CNOT1: variants seen among roughly 807,000 people sequenced by gnomAD.
CNOT1 encodes the protein CCR4-NOT transcription complex subunit 1.
CNOT1 carries 15 observed loss-of-function variants against 273.8 expected under a neutral mutation model. The ratio of observed to expected loss-of-function variants is 0.05; its 90% CI spans 0.04 to 0.08. The LOEUF (loss-of-function observed/expected upper bound fraction) is 0.08, where lower values mean the gene tolerates loss of function less well. CNOT1 is among the 10% of genes least tolerant of loss of function. The probability of loss-of-function intolerance (pLI) is 1.00; values close to 1 mark genes in which losing one functional copy is unlikely to be tolerated. For synonymous variants in CNOT1, 1,022 were observed against 1,005.5 expected (o/e 1.02, Z -0.31); for missense variants, 1,644 against 2,912.2 (o/e 0.56, Z 10.02).
intron 40 of CNOT1, 114 bp downstream of exon 40, chr16:58,534,033 G>A: frequency 1.7e-6 from 2 of 1,161,960 alleles, no homozygotes; most frequent in Non-Finnish European, 2.1e-6. Context: ...CTCCAGCCTG[G>A]GTGACAGAGT....
At chr16:58,530,403 T>A in intron 42 of CNOT1, 56 bp from the exon 43 acceptor site, 1 of 1,349,432 alleles carries the variant, frequency 7.4e-7, no homozygotes, top group Non-Finnish European at 1.0e-6. Context: ...TTTCAGCCAC[T>A]ACAAGTCGCC....
intron 8 of CNOT1, among the ~76,000 whole-genome samples, chr16:58,584,561 A>G (rs940293108): frequency 3.9e-5 from 6 of 151,948 alleles, no homozygotes; most frequent in Non-Finnish European, 8.8e-5. Flanking sequence ...TGAACTCCTG[A>G]CATCAGGTGA....
Position 58,621,693 on chromosome 16 carries a change from C to T in CNOT1, c.-175+8035G>A, listed in dbSNP as rs1277309251. Among the ~76,000 whole-genome samples, 229 of 140,218 alleles carry T rather than the reference C, an allele frequency of 1.6e-3. No homozygotes were observed. In the Middle Eastern group the frequency reaches 0.023, roughly 14 times the overall value. 92.0% of individuals were successfully genotyped at this position (140,218 alleles called of 152,430 possible). On this transcript the variant is annotated intron_variant, in intron 1 of 48. Transcript: ENST00000317147. ...CAGCACTTTGGGAGGCCGAGGCGGG[C>T]AGATCACGAGGTCAGGAGATCGAGA...
Position 58,521,055 on chromosome 16 carries a change from T to C in CNOT1, c.7053-19A>G. The C allele has an allele frequency of 6.2e-7, 1 of 1,614,122 alleles. No homozygotes were observed. The highest frequency in any genetic ancestry group is 8.5e-7 in the Non-Finnish European group (1 of 1,180,024). On this transcript the variant is annotated intron_variant, in intron 48 of 48. Transcript: ENST00000317147. ...GAATAACCTGAAGGATGAAGACAGT[T>C]ACAAATCTCTGATTAAAGAGTAGGC...
chr16:58,609,475 G>A (rs995330208), intron 1 of CNOT1, among the ~76,000 whole-genome samples: 1 of 152,060 alleles, frequency 6.6e-6, no homozygotes, highest in Non-Finnish European at 1.5e-5. Context: ...AATTTTGGAG[G>A]GGTGGGAGAG....
At chr16:58,549,987 G>C (rs1597440917) in intron 24 of CNOT1, 89 bp from the exon 25 acceptor site, 8 of 1,550,740 alleles carry the variant, frequency 5.2e-6, no homozygotes, top group African/African-American at 2.8e-5. Context: ...ACAGCACATG[G>C]CTCCTTGCAA....
At chr16:58,549,000 G>A (rs2040352905) in intron 25 of CNOT1, among the ~76,000 whole-genome samples, 1 of 152,240 alleles carries the variant, frequency 6.6e-6, no homozygotes, top group East Asian at 1.9e-4. Context: ...TTTTAAAAAA[G>A]AGGACTGGCC....
Position 58,547,990 on chromosome 16 carries a change from C to G in CNOT1, c.3523-308G>C, listed in dbSNP as rs1209548287. 6.6e-6 allele frequency among the ~76,000 whole-genome samples: 1 copy of G among 152,164 alleles called. No individual in the cohort carries two copies. The highest frequency in any genetic ancestry group is 1.5e-5 in the Non-Finnish European group (1 of 68,028). ...CTATCCTCCCCTAGAAAAGTATTTT[C>G]AACTCTGAAAACCTTAGCTAGGTTT... On this transcript the variant is annotated intron_variant, in intron 25 of 48. Coordinates refer to ENST00000317147, the MANE Select transcript of CNOT1 (RefSeq NM_016284.5). This position sits in a 1 kb window ranked among gnomAD's most constrained non-coding sequence, Gnocchi z 4.0.
chr16:58,588,991 C>G, intron 2 of CNOT1, 85 bp from the exon 3 acceptor site: 2 of 1,459,284 alleles, frequency 1.4e-6, no homozygotes, highest in Non-Finnish European at 1.8e-6. Flanking sequence ...AATCAACCTC[C>G]AAGGCAAAAT....
At chr16:58,584,836 A>G (rs370797843) in intron 8 of CNOT1, among the ~76,000 whole-genome samples, 34 of 152,200 alleles carry the variant, frequency 2.2e-4, no homozygotes, top group African/African-American at 8.2e-4. Context: ...AAATATTAAT[A>G]ATCCAGTGTA....
chr16:58,550,684 A>G lies in CNOT1; in HGVS notation c.3342+448T>C, dbSNP rs542616352. 7.2e-5 allele frequency among the ~76,000 whole-genome samples: 11 copies of G among 152,334 alleles called. No individual in the cohort carries two copies. The South Asian group carries it at 1.2e-3, about 17-fold the overall frequency. On this transcript the variant is annotated intron_variant, in intron 24 of 48. Transcript: ENST00000317147. ...TTAAGTTCTGGGGGAGTAAAAAGTT[A>G]TAACAGGATTTGGCTACATACAGGA...
At chr16:58,521,110 AC>A in intron 48 of CNOT1, 72 bp downstream of exon 48, 1 of 1,613,344 alleles carries the variant, frequency 6.2e-7, no homozygotes, top group Non-Finnish European at 8.5e-7. Flanking sequence ...CATTCAGCTG[AC>A]CCAACCTAGA....
chr16:58,531,855 G>C, intron 42 of CNOT1, 103 bp downstream of exon 42: 1 of 1,364,066 alleles, frequency 7.3e-7, no homozygotes, highest in Non-Finnish European at 1.0e-6. Flanking sequence ...TTTGGAAGAA[G>C]TACAATTACT....
chr16:58,628,940 G>C (rs2043701193), intron 1 of CNOT1, among the ~76,000 whole-genome samples: 1 of 152,254 alleles, frequency 6.6e-6, no homozygotes, highest in African/African-American at 2.4e-5. Context: ...AAGACCTGCC[G>C]TGGATCTTAT....
intron 13 of CNOT1, among the ~76,000 whole-genome samples, chr16:58,576,826 T>C (rs1010682081): frequency 9.2e-5 from 14 of 152,220 alleles, no homozygotes; most frequent in Admixed American, 6.5e-5. Context: ...AACAAACTTA[T>C]TTGTCCTATT....
chr16:58,612,762 A>G (rs769913859), intron 1 of CNOT1, among the ~76,000 whole-genome samples: 1 of 152,174 alleles, frequency 6.6e-6, no homozygotes, highest in Non-Finnish European at 1.5e-5. Context: ...ACACTTACTA[A>G]TATTAACTAC....
intron 39 of CNOT1, 73 bp from the exon 40 acceptor site, chr16:58,534,468 C>A (rs777912113): frequency 4.5e-5 from 67 of 1,503,290 alleles, no homozygotes; most frequent in Admixed American, 4.2e-4. Context: ...CTTTAATTTT[C>A]AGGCTTAAGA....
Position 58,541,575 on chromosome 16 carries a change from C to T in CNOT1, c.4726G>A (p.Ala1576Thr), listed in dbSNP as rs374882776. Residue 1576 changes from alanine to threonine, a missense_variant, in exon 34 of 49, where the codon GCA becomes ACA. This residue lies in a region of CNOT1 where 170 missense variants were observed against 273.1 expected (regional missense o/e 0.62). Coordinates refer to ENST00000317147, the MANE Select transcript of CNOT1 (RefSeq NM_016284.5). ...GGTAAGAAGCCAGGAACATTGCGTG[C>T]AAACTCTTCGTAAACAGCCAACTGC... ...PKQLAVYEEF[A>T]RNVPGFLPTN... 2 of 1,614,082 alleles carry T rather than the reference C, an allele frequency of 1.2e-6. No individual in the cohort carries two copies. Among genetic ancestry groups the T allele is most frequent in the Non-Finnish European group, 1.7e-6 (2 of 1,179,954 alleles).
chr16:58,580,216 A>C (rs966996412), intron 12 of CNOT1, among the ~76,000 whole-genome samples: 1 of 151,966 alleles, frequency 6.6e-6, no homozygotes, highest in African/African-American at 2.4e-5. Flanking sequence ...TGGGCAACAG[A>C]GCGAGACTCC....
Sources: allele counts gnomAD v4.1 joint callset (sites outside exome capture counted in the v4.1 genomes callset), GRCh38; gene constraint gnomAD v4.1.1; regional missense constraint gnomAD v4.1.1; non-coding constraint Gnocchi (gnomAD v3.1); transcripts MANE v1.5; gene names NCBI Gene and HGNC (gene_info 2026-07-23, HGNC 2026-07-21).